The following CEP295 variants were observed in gnomAD, a reference collection of about 807,000 sequenced individuals.
CEP295 encodes centrosomal protein of 295 kDa.
Under a neutral mutation model 291.6 loss-of-function variants are expected in CEP295, and 190 were observed. That is an observed-to-expected ratio of 0.65 (90% CI 0.58 to 0.73). CEP295 has a LOEUF of 0.73. Ranked by LOEUF, CEP295 falls within the 30% of genes least tolerant of loss-of-function variation. CEP295 has a pLI of 0.00. For synonymous variants in CEP295, 993 were observed against 1,038.8 expected (o/e 0.96, Z 0.85); for missense variants, 2,863 against 2,949.4 (o/e 0.97, Z 0.68).
At position 93,702,527 on chromosome 11, in the gene CEP295, C is replaced by G. The variant is rs1336702724; in HGVS notation, c.5342C>G (p.Pro1781Arg). 6.4e-7 allele frequency: 1 copy of G among 1,550,834 alleles called. No individual in the cohort carries two copies. The highest frequency in any genetic ancestry group is 2.0e-5 in the Admixed American group (1 of 50,808). ...ATGGGGCAGCTCAGAGACTGGTTTC[C>G]TAATACACAAGACCTAGCAGGAAAT... ...QKMGQLRDWF[P>R]NTQDLAGNDQ... Residue 1781 changes from proline to arginine, a missense_variant, in exon 16 of 30, where the codon CCT becomes CGT. By Grantham distance (103) the Pro-to-Arg change is moderately radical (BLOSUM62 -2). This residue lies in a region of CEP295 where 2,295 missense variants were observed against 2,335.7 expected (regional missense o/e 0.98). Coordinates refer to ENST00000325212, the MANE Select transcript of CEP295 (RefSeq NM_033395.2).
At chr11:93,686,611 C>T (rs1039621132) in intron 9 of CEP295, among the ~76,000 whole-genome samples, 3 of 151,964 alleles carry the variant, frequency 2.0e-5, no homozygotes, top group Non-Finnish European at 4.4e-5. Context: ...ATGAAAGAAG[C>T]CAGGCAGAAA....
At chr11:93,674,850 A>C (rs1332476171) in intron 5 of CEP295, among the ~76,000 whole-genome samples, 1 of 152,232 alleles carries the variant, frequency 6.6e-6, no homozygotes, top group African/African-American at 2.4e-5. Context: ...CCTTGAAGCC[A>C]GGGGCCATTA....
chr11:93,699,640 C>T lies in CEP295; in HGVS notation c.4728C>T (p.Pro1576=). The T allele has an allele frequency of 6.4e-6, 10 of 1,551,624 alleles. No homozygotes were observed. The highest frequency in any genetic ancestry group is 8.7e-6 in the Non-Finnish European group (10 of 1,147,030). The change falls in exon 15 of 30, where the codon CCC becomes CCT. Residue 1576 remains proline (P), a synonymous_variant. Transcript: ENST00000325212. Reference sequence around the variant, plus strand: ...CAACCAAAAGTAATGATACTCTTCCCTCAAGTCATCGTGAGATTCCAAGAT... The same window carrying T: ...CAACCAAAAGTAATGATACTCTTCCTTCAAGTCATCGTGAGATTCCAAGAT... ...SFPTKSNDTL[P]SSHREIPRLQ...
chr11:93,725,828 G>C lies in CEP295; in HGVS notation c.6496G>C (p.Gly2166Arg), dbSNP rs1954093499. The stretch of plus-strand genomic sequence containing the variant: ...CAGTTTTGCTACAGAAAATATTATT[G>C]GGGGTATGTATGACTAAGTTAGAAA... ...AHSFATENII[G>R]GSEQCFEQLQ... Residue 2166 changes from glycine to arginine, a missense_variant, in exon 23 of 30, where the codon GGG (glycine) becomes CGG (arginine). This residue lies in a region of CEP295 where 2,295 missense variants were observed against 2,335.7 expected (regional missense o/e 0.98). Transcript: ENST00000325212. 1.3e-6 allele frequency: 2 copies of C among 1,549,968 alleles called. No individual in the cohort carries two copies. Among genetic ancestry groups the C allele is most frequent in the African/African-American group, 1.4e-5 (1 of 72,966 alleles).
At position 93,716,063 on chromosome 11, in the gene CEP295, G is replaced by C. The variant is rs545529436; in HGVS notation, c.5750-5249G>C. Among the ~76,000 whole-genome samples the C allele has an allele frequency of 5.3e-5, 8 of 152,242 alleles. No individual in the cohort carries two copies. The South Asian group carries it at 1.7e-3, about 32-fold the overall frequency. On this transcript the variant is annotated intron_variant, in intron 18 of 29. Transcript: ENST00000325212. ...CCAGCACAGCACTAGGACTTGCCTA[G>C]TGCTGCAGTTGCAGTCTTTGTGGCC...
At chr11:93,687,969 A>G (rs1224332663) in intron 10 of CEP295, 104 bp downstream of exon 10, 2 of 690,248 alleles carry the variant, frequency 2.9e-6, no homozygotes, top group East Asian at 5.8e-5. Context: ...GGAACAAAAC[A>G]TAATCCTGCT....
chr11:93,712,917 G>A (rs1210846109), intron 18 of CEP295, among the ~76,000 whole-genome samples: 1 of 149,588 alleles, frequency 6.7e-6, no homozygotes, highest in African/African-American at 2.5e-5. Flanking sequence ...ATTTTCTCTG[G>A]TGGTATGTTT....
rs1451405540 is a variant in CEP295, at chr11:93,679,439, G to A, written c.652G>A (p.Glu218Lys). The A allele has an allele frequency of 1.3e-6, 2 of 1,550,924 alleles. No homozygotes were observed. Among genetic ancestry groups the A allele is most frequent in the South Asian group, 1.2e-5 (1 of 83,944 alleles). The change falls in exon 7 of 30, where the codon GAA (glutamate) becomes AAA (lysine). Residue 218 changes from glutamate to lysine, a missense_variant. By Grantham distance (56) the Glu-to-Lys change is moderately conservative. Transcript: ENST00000325212. Reference protein sequence around the residue: ...RPDARLAAEEEAKRLEELQKQ... With the variant: ...RPDARLAAEEKAKRLEELQKQ... Reference sequence around the variant, plus strand: ...AGATGCTCGTTTGGCTGCTGAAGAGGAAGCTAAACGATTGGAAGAACTACA... The same window carrying A: ...AGATGCTCGTTTGGCTGCTGAAGAGAAAGCTAAACGATTGGAAGAACTACA...
At position 93,697,314 on chromosome 11, in the gene CEP295, A is replaced by C. The variant is rs1951892250; in HGVS notation, c.2402A>C (p.Lys801Thr). The change falls in exon 15 of 30, where the codon AAA becomes ACA. Residue 801 changes from lysine (K) to threonine (T), a missense_variant. Lys to Thr is a moderately conservative substitution (Grantham distance 78). Coordinates refer to ENST00000325212, the MANE Select transcript of CEP295 (RefSeq NM_033395.2). ...CATTCTTTTAGTTCTCTGCCTGTTA[A>C]AGTTGAGTCAGGAAAAATTCAAGAA... ...PQHSFSSLPV[K>T]VESGKIQEPF... is the part of the protein sequence containing the mutation. 5.8e-6 allele frequency: 9 copies of C among 1,551,630 alleles called. No homozygotes were observed. The highest frequency in any genetic ancestry group is 7.8e-6 in the Non-Finnish European group (9 of 1,147,008).
At chr11:93,706,171 G>GTCTT (rs1952501276) in intron 17 of CEP295, among the ~76,000 whole-genome samples, 2 of 152,164 alleles carry the variant, frequency 1.3e-5, no homozygotes, top group African/African-American at 4.8e-5. Context: ...CAAGTGCATA[G>GTCTT]TCTTAAATGT....
At chr11:93,677,863 A>G (rs1002960670) in intron 6 of CEP295, among the ~76,000 whole-genome samples, 2 of 152,216 alleles carry the variant, frequency 1.3e-5, no homozygotes, top group African/African-American at 4.8e-5. Flanking sequence ...TGATCTTCAC[A>G]TACTGAAAAT....
At chr11:93,707,911 G>A (rs553552522) in intron 18 of CEP295, among the ~76,000 whole-genome samples, 1 of 152,224 alleles carries the variant, frequency 6.6e-6, no homozygotes, top group African/African-American at 2.4e-5. Flanking sequence ...ATTCTTTTGA[G>A]GGTTTATTAA....
At chr11:93,687,943 A>C in intron 10 of CEP295, 78 bp downstream of exon 10, 2 of 995,152 alleles carry the variant, frequency 2.0e-6, no homozygotes, top group Non-Finnish European at 1.5e-6. Context: ...GAAAAATCAA[A>C]GAATAGAGGT....
At chr11:93,673,656 GC>G in intron 5 of CEP295, among the ~76,000 whole-genome samples, 1 of 151,924 alleles carries the variant, frequency 6.6e-6, no homozygotes, top group African/African-American at 2.4e-5. Context: ...ACCATGCCTG[GC>G]TAATTTTTGA....
At chr11:93,686,004 C>T (rs1016504424) in intron 9 of CEP295, among the ~76,000 whole-genome samples, 5 of 151,834 alleles carry the variant, frequency 3.3e-5, no homozygotes, top group African/African-American at 4.8e-5. Context: ...CCACCATGCC[C>T]GGCCAGCAGT....
Position 93,726,981 on chromosome 11 carries a change from G to T in CEP295, c.6505G>T (p.Glu2169Ter). 1 of 1,510,146 alleles carries T rather than the reference G, an allele frequency of 6.6e-7. No homozygotes were observed. Among genetic ancestry groups the T allele is most frequent in the South Asian group, 1.3e-5 (1 of 77,282 alleles). The allele number at this position is 1,510,146 out of a possible 1,614,324, so 93.5% of individuals were successfully genotyped here. A position where few individuals can be genotyped will look rare whatever the true frequency, so the allele number is the denominator to read the frequency against. ...TTTTGAATTTCTTAATGCAGGATCT[G>T]AACAATGTTTTGAACAGCTTCAGCC... ...FATENIIGGS[E>*]QCFEQLQPEY... Residue 2169 changes from glutamate (E) to a stop codon, truncating the protein, a stop_gained, in exon 24 of 30, where the codon GAA (glutamate) becomes TAA (stop). Coordinates refer to ENST00000325212, the MANE Select transcript of CEP295 (RefSeq NM_033395.2). LOFTEE classifies it high-confidence loss of function.
Position 93,716,169 on chromosome 11 carries a change from C to CCAACT in CEP295, c.5750-5142_5750-5138dup, listed in dbSNP as rs145758926. Among the ~76,000 whole-genome samples the CCAACT allele has an allele frequency of 6.2e-4, 95 of 152,308 alleles. 3 individuals are homozygous for CCAACT. In the East Asian group the frequency reaches 0.017, roughly 28 times the overall value. ...GACAAGACTTGCCAAAACTCAACTT[C>CCAACT]CAACTGCTAGAGTGGATACTTCCCC... On this transcript the variant is annotated intron_variant, in intron 18 of 29. Transcript: ENST00000325212.
intron 17 of CEP295, among the ~76,000 whole-genome samples, chr11:93,704,058 T>C (rs1952364886): frequency 6.6e-6 from 1 of 152,192 alleles, no homozygotes; most frequent in South Asian, 2.1e-4. Flanking sequence ...CTTGAGCCAC[T>C]GCGCCCGGCC....
chr11:93,693,109 C>T (rs368650134), intron 12 of CEP295, among the ~76,000 whole-genome samples: 1 of 133,196 alleles, frequency 7.5e-6, no homozygotes, highest in African/African-American at 2.7e-5. Flanking sequence ...AACCCCGTCT[C>T]TACTAAAAAT....
Sources: allele counts gnomAD v4.1 joint callset (sites outside exome capture counted in the v4.1 genomes callset), GRCh38; gene constraint gnomAD v4.1.1; regional missense constraint gnomAD v4.1.1; transcripts MANE v1.5; gene names NCBI Gene and HGNC (gene_info 2026-07-23, HGNC 2026-07-21).